The following JAZF1 variants were observed in gnomAD, a reference collection of about 807,000 sequenced individuals.
The protein encoded by JAZF1 is juxtaposed with another zinc finger protein 1.
A neutral mutation model predicts 26.4 loss-of-function variants in JAZF1; 8 were observed. The ratio of observed to expected loss-of-function variants is 0.30; its 90% CI spans 0.18 to 0.55. The LOEUF (loss-of-function observed/expected upper bound fraction) is 0.55, where lower values mean the gene tolerates loss of function less well. Among genes scored for constraint, JAZF1 ranks in the 20% least tolerant of loss-of-function variants. The pLI is 0.94. For synonymous variants in JAZF1, 126 were observed against 122.3 expected (o/e 1.03, Z -0.20); for missense variants, 199 against 322.0 (o/e 0.62, Z 2.92).
intron 1 of JAZF1, among the ~76,000 whole-genome samples, chr7:28,106,729 T>C (rs1784558764): frequency 6.6e-6 from 1 of 152,186 alleles, no homozygotes; most frequent in Non-Finnish European, 1.5e-5. Context: ...ACGGTTTTCA[T>C]ACCAAGCATA....
chr7:27,965,528 T>A (rs1785257844), intron 2 of JAZF1, among the ~76,000 whole-genome samples: 1 of 152,218 alleles, frequency 6.6e-6, no homozygotes, highest in Non-Finnish European at 1.5e-5. Flanking sequence ...TGAAGAAGAC[T>A]GGCAAATGTT....
chr7:28,002,514 G>A (rs1455609280), intron 1 of JAZF1, among the ~76,000 whole-genome samples: 1 of 152,146 alleles, frequency 6.6e-6, no homozygotes, highest in Non-Finnish European at 1.5e-5. Context: ...TCCACAAGAA[G>A]TTGATAAGGA....
intron 1 of JAZF1, among the ~76,000 whole-genome samples, chr7:28,010,955 A>G (rs542601031): frequency 6.6e-6 from 1 of 152,352 alleles, no homozygotes; most frequent in Admixed American, 6.5e-5. Flanking sequence ...GCTGGGATCC[A>G]GCTAGAGACA....
At chr7:28,068,559 C>G (rs904363939) in intron 1 of JAZF1, among the ~76,000 whole-genome samples, 1 of 152,108 alleles carries the variant, frequency 6.6e-6, no homozygotes, top group Non-Finnish European at 1.5e-5. Flanking sequence ...ACTCTACTGA[C>G]AAATTAAAAT....
At chr7:27,954,283 C>T (rs560906908) in intron 2 of JAZF1, among the ~76,000 whole-genome samples, 1 of 152,300 alleles carries the variant, frequency 6.6e-6, no homozygotes, top group African/African-American at 2.4e-5. Flanking sequence ...CTCTGCCCAG[C>T]CTGACTGGGG....
At chr7:28,030,647 G>C (rs1357777462) in intron 1 of JAZF1, among the ~76,000 whole-genome samples, 1 of 152,144 alleles carries the variant, frequency 6.6e-6, no homozygotes, top group East Asian at 1.9e-4. Flanking sequence ...AAAAGTACAT[G>C]AGTTACTATG....
chr7:27,845,017 A>T (rs1486521346), intron 3 of JAZF1, among the ~76,000 whole-genome samples: 2 of 152,252 alleles, frequency 1.3e-5, no homozygotes, highest in Non-Finnish European at 2.9e-5. Context: ...GAGACAGAAG[A>T]TCATAAGGAA....
Position 27,907,603 on chromosome 7 carries a change from T to A in JAZF1, c.189-12187A>T, listed in dbSNP as rs115963771. On this transcript the variant is annotated intron_variant, in intron 2 of 4. Coordinates refer to ENST00000283928, the MANE Select transcript of JAZF1 (RefSeq NM_175061.4). ...AAGGTGGGGTGGGTGACCATCAACATCCAGCTAAGAACAAGGGACTCCCGG... is the reference window on the plus strand; with the variant it reads ...AAGGTGGGGTGGGTGACCATCAACAACCAGCTAAGAACAAGGGACTCCCGG... 3.9e-3 allele frequency among the ~76,000 whole-genome samples: 601 copies of A among 152,248 alleles called. 3 individuals are homozygous for A. Among genetic ancestry groups the A allele is most frequent in the African/African-American group, 0.013 (543 of 41,528 alleles).
intron 1 of JAZF1, among the ~76,000 whole-genome samples, chr7:28,154,555 C>T (rs759998895): frequency 8.5e-5 from 13 of 152,154 alleles, no homozygotes; most frequent in Admixed American, 7.2e-4. Flanking sequence ...TACTGAATGT[C>T]TCTTGAATGC....
chr7:27,928,449 G>A (rs1422474720), intron 2 of JAZF1, among the ~76,000 whole-genome samples: 3 of 152,204 alleles, frequency 2.0e-5, no homozygotes, highest in South Asian at 2.1e-4. Flanking sequence ...GGATGTCGCA[G>A]TCAATCTTAG....
chr7:27,900,641 GC>G (rs1784148967), intron 2 of JAZF1, among the ~76,000 whole-genome samples: 1 of 152,162 alleles, frequency 6.6e-6, no homozygotes, highest in Admixed American at 6.5e-5. Flanking sequence ...TTTGAACCGG[GC>G]TTCTTGCCTA....
intron 2 of JAZF1, among the ~76,000 whole-genome samples, chr7:27,924,551 G>A (rs945680988): frequency 1.4e-4 from 22 of 152,176 alleles, no homozygotes; most frequent in African/African-American, 5.3e-4. Flanking sequence ...AAGAGAAAAT[G>A]AATTAGTACC....
chr7:28,168,603 T>C (rs73091224), intron 1 of JAZF1, among the ~76,000 whole-genome samples: 11,263 of 152,194 alleles, frequency 0.074, 690 homozygotes, highest in East Asian at 0.2. Flanking sequence ...ACTTCCCTCA[T>C]ATGCTGTGTC....
intron 1 of JAZF1, among the ~76,000 whole-genome samples, chr7:28,046,036 GGTTAATTACTACAAGAAC>G (rs1448795177): frequency 1.1e-4 from 16 of 152,162 alleles, no homozygotes; most frequent in Non-Finnish European, 2.4e-4. Context: ...CACCTCCCTA[GGTTAATTACTACAAGAAC>G]TGTGATAGGT....
intron 2 of JAZF1, among the ~76,000 whole-genome samples, chr7:27,982,129 C>T (rs897865659): frequency 3.3e-5 from 5 of 152,214 alleles, no homozygotes; most frequent in Non-Finnish European, 5.9e-5. Flanking sequence ...ACAGTGGGTG[C>T]AGCCCATGGA....
At chr7:27,891,641 A>AC (rs11439798) in intron 3 of JAZF1, among the ~76,000 whole-genome samples, 3,789 of 152,234 alleles carry the variant, frequency 0.025, 155 homozygotes, top group African/African-American at 0.086. Context: ...AGCCTGGGCA[A>AC]CATAGCAAGA....
chr7:28,125,650 G>A (rs1284166489), intron 1 of JAZF1, among the ~76,000 whole-genome samples: 1 of 152,054 alleles, frequency 6.6e-6, no homozygotes, highest in Non-Finnish European at 1.5e-5. Context: ...CATCATTCTG[G>A]TGTTCAAAGC....
At chr7:27,938,807 T>G (rs1209418371) in intron 2 of JAZF1, among the ~76,000 whole-genome samples, 1 of 90,060 alleles carries the variant, frequency 1.1e-5, no homozygotes, top group African/African-American at 3.4e-5. Flanking sequence ...GAATAGCTAT[T>G]TTTTTTTTTT....
At chr7:27,992,150 A>G in intron 1 of JAZF1, 169 bp from the exon 2 acceptor site, 1 of 681,226 alleles carries the variant, frequency 1.5e-6, no homozygotes, top group Non-Finnish European at 2.8e-6. Flanking sequence ...TCATTCATAA[A>G]TAACAAGATA....
Sources: gnomAD v4.1 joint callset for allele counts (sites outside exome capture counted in the v4.1 genomes callset) on GRCh38, gnomAD v4.1.1 for gene constraint, MANE v1.5 for transcripts, NCBI Gene and HGNC (gene_info 2026-07-23, HGNC 2026-07-21) for gene names.